The following MAP4 variants were observed in gnomAD, a reference collection of about 807,000 sequenced individuals.
The protein encoded by MAP4 is microtubule associated protein 4.
Under a neutral mutation model 170.2 loss-of-function variants are expected in MAP4, and 76 were observed. That is an observed-to-expected ratio of 0.45 (90% CI 0.37 to 0.54). The LOEUF (loss-of-function observed/expected upper bound fraction) is 0.54, where lower values mean the gene tolerates loss of function less well. Ranked by LOEUF, MAP4 falls within the 20% of genes least tolerant of loss-of-function variation. MAP4 has a pLI of 0.00. For missense variants in MAP4, 2,506 were observed against 2,748.0 expected, an observed-to-expected ratio of 0.91 and a Z score of 1.97; for synonymous variants, 909 against 994.5, an observed-to-expected ratio of 0.91 and a Z score of 1.62.
At chr3:47,944,183 G>A (rs751724556) in intron 3 of MAP4, among the ~76,000 whole-genome samples, 26 of 151,930 alleles carry the variant, frequency 1.7e-4, no homozygotes, top group Admixed American at 3.3e-4. Context: ...GGTGGCACAC[G>A]CCTGTAATCC....
chr3:47,910,279 AG>A lies in MAP4; in HGVS notation c.4141del (p.Leu1381TrpfsTer5). On this transcript the variant is annotated frameshift_variant, in exon 9 of 21. Transcript: ENST00000683076. LOFTEE classifies it high-confidence loss of function. ...TTTTGTTGCATCTATCTTATTCTCC[AG>A]AATGTGCTTCTCAGGAGAACTATTT... ...VKNSSPEKHILENKIDATKIH... is the reference protein window; with the variant it reads ...VKNSSPEKHIXENKIDATKIH... 1 of 1,601,280 alleles carries A rather than the reference AG, an allele frequency of 6.2e-7. No individual in the cohort carries two copies.
chr3:48,034,618 C>T (rs1369910240), intron 1 of MAP4, among the ~76,000 whole-genome samples: 3 of 151,850 alleles, frequency 2.0e-5, no homozygotes, highest in Admixed American at 6.6e-5. Flanking sequence ...GCATGAGAAT[C>T]GCTTGAACCT....
intron 1 of MAP4, among the ~76,000 whole-genome samples, chr3:48,007,735 C>T (rs1307981586): frequency 6.7e-6 from 1 of 149,932 alleles, no homozygotes; most frequent in Admixed American, 6.7e-5. Context: ...TGCAGTGGTG[C>T]GATCTCGGCT....
At chr3:47,905,118 A>C (rs903200776) in intron 9 of MAP4, among the ~76,000 whole-genome samples, 6 of 152,234 alleles carry the variant, frequency 3.9e-5, no homozygotes, top group African/African-American at 1.4e-4. Flanking sequence ...GTGAGGAACA[A>C]AGATAAACAC....
intron 4 of MAP4, among the ~76,000 whole-genome samples, chr3:47,926,619 T>G (rs1318524565): frequency 6.6e-6 from 1 of 152,180 alleles, no homozygotes; most frequent in Non-Finnish European, 1.5e-5. Context: ...ACTGCAGCTT[T>G]GAAGTGGCAG....
At chr3:47,914,455 C>G (rs1422014178) in intron 8 of MAP4, among the ~76,000 whole-genome samples, 1 of 151,136 alleles carries the variant, frequency 6.6e-6, no homozygotes, top group East Asian at 2.0e-4. Flanking sequence ...GAGGCTGAGG[C>G]AGGAGAATCG....
At chr3:47,989,657 C>T (rs1020673098) in intron 2 of MAP4, among the ~76,000 whole-genome samples, 4 of 152,004 alleles carry the variant, frequency 2.6e-5, no homozygotes, top group Non-Finnish European at 5.9e-5. Context: ...AATATAAGCC[C>T]AGGAGAGAAT....
In MAP4 at chr3:47,916,952, A is replaced by G; in HGVS notation, c.875T>C (p.Met292Thr). 1.2e-6 allele frequency: 2 copies of G among 1,614,196 alleles called. 1 individual carries two copies. Residue 292 changes from methionine to threonine, a missense_variant, in exon 7 of 21, where the codon ATG becomes ACG. Physicochemically the swap from Met to Thr is moderately conservative, Grantham distance 81. Coordinates refer to ENST00000683076, the MANE Select transcript of MAP4 (RefSeq NM_001385682.1). ...CATATCTGATTCCATGGATGGCTGC[A>G]TGTCCTTGGCCAGTGTCACATCTAA... The part of the protein sequence containing the change: ...TKLDVTLAKD[M>T]QPSMESDMAL...
At chr3:47,927,142 G>A (rs1403729777) in intron 4 of MAP4, among the ~76,000 whole-genome samples, 4 of 141,046 alleles carry the variant, frequency 2.8e-5, no homozygotes, top group Non-Finnish European at 4.5e-5. Flanking sequence ...CAGGGTGACA[G>A]AGCAAGACTC....
At chr3:47,951,035 T>C (rs2100063388) in intron 3 of MAP4, among the ~76,000 whole-genome samples, 1 of 152,242 alleles carries the variant, frequency 6.6e-6, no homozygotes, top group Admixed American at 6.5e-5. Context: ...AGGTCAGTTT[T>C]GGAACACATT....
chr3:47,853,152 C>T lies in MAP4; in HGVS notation c.6886+11G>A, dbSNP rs1343743767. ...CCCTGGCTGGCCCTTAGGCCGAGCC[C>T]AGCCACTTACTTGTCTCCTGGATCT... On this transcript the variant is annotated intron_variant, in intron 20 of 20. Coordinates refer to ENST00000683076, the MANE Select transcript of MAP4 (RefSeq NM_001385682.1). 2 of 1,602,170 alleles carry T rather than the reference C, an allele frequency of 1.2e-6. No homozygotes were observed. Among genetic ancestry groups the T allele is most frequent in the South Asian group, 1.1e-5 (1 of 89,634 alleles).
At chr3:47,948,377 G>T (rs1035595400) in intron 3 of MAP4, among the ~76,000 whole-genome samples, 3 of 151,704 alleles carry the variant, frequency 2.0e-5, no homozygotes, top group African/African-American at 4.8e-5. Context: ...GGGACTGTGG[G>T]CATGTGCCAC....
chr3:47,927,337 A>C (rs1489113522), intron 4 of MAP4, among the ~76,000 whole-genome samples: 2 of 152,164 alleles, frequency 1.3e-5, no homozygotes, highest in African/African-American at 4.8e-5. Flanking sequence ...AGCCATATTT[A>C]AGTGGAAACA....
In MAP4 at chr3:47,852,742, G is replaced by A. The variant is rs1385079786; in HGVS notation, c.*192C>T. The A allele has an allele frequency of 6.5e-7, 1 of 1,534,310 alleles. No individual in the cohort carries two copies. The highest frequency in any genetic ancestry group is 8.8e-7 in the Non-Finnish European group (1 of 1,142,404). ...TGCCCCGGGCACGCAAAGCAGGAGG[G>A]AAGGCGAGCCTAGCGGGCTGCCCAG... On this transcript the variant is annotated 3_prime_UTR_variant, in exon 21 of 21. Transcript: ENST00000683076.
intron 9 of MAP4, among the ~76,000 whole-genome samples, chr3:47,903,326 G>A (rs941293459): frequency 6.6e-6 from 1 of 152,190 alleles, no homozygotes; most frequent in Non-Finnish European, 1.5e-5. Flanking sequence ...GAGGTCAGGA[G>A]ATCGAGACCA....
chr3:48,086,158 A>G (rs1161040876), intron 1 of MAP4, among the ~76,000 whole-genome samples: 1 of 151,930 alleles, frequency 6.6e-6, no homozygotes, highest in East Asian at 1.9e-4. Context: ...ACACTCACAC[A>G]CACACACACA....
chr3:47,866,484 A>G (rs932969031), intron 17 of MAP4, among the ~76,000 whole-genome samples: 1 of 151,998 alleles, frequency 6.6e-6, no homozygotes, highest in Non-Finnish European at 1.5e-5. Context: ...GGCCGGGCGC[A>G]GTGTTTCATG....
At chr3:47,858,489 A>C (rs2060105078) in intron 17 of MAP4, among the ~76,000 whole-genome samples, 1 of 151,798 alleles carries the variant, frequency 6.6e-6, no homozygotes, top group African/African-American at 2.4e-5. Context: ...TCCATCTCAA[A>C]TCCTTACCTA....
In MAP4 at chr3:47,909,539, C is replaced by T; in HGVS notation, c.4882G>A (p.Asp1628Asn). Residue 1628 changes from aspartate (D) to asparagine (N), a missense_variant, in exon 9 of 21, where the codon GAC becomes AAC. By Grantham distance (23) the Asp-to-Asn change is conservative. Transcript: ENST00000683076. ...VAVQIPDLLE[D>N]KAQKLSFCED... is the part of the protein sequence containing the mutation. ...CAAAAACTGAGCTTTTGTGCTTTGT[C>T]TTCCAGTAAGTCAGGAATCTGAACT... 1 of 1,612,762 alleles carries T rather than the reference C, an allele frequency of 6.2e-7. No homozygotes were observed. Among genetic ancestry groups the T allele is most frequent in the South Asian group, 1.1e-5 (1 of 91,082 alleles).
Sources: allele counts gnomAD v4.1 joint callset (sites outside exome capture counted in the v4.1 genomes callset), GRCh38; gene constraint gnomAD v4.1.1; transcripts MANE v1.5; gene names NCBI Gene and HGNC (gene_info 2026-07-23, HGNC 2026-07-21).